The following HTR1E variants were observed in gnomAD, a reference collection of about 807,000 sequenced individuals.
HTR1E encodes 5-hydroxytryptamine receptor 1E, also known as 5-HT-1E.
HTR1E carries 3 observed loss-of-function variants against 3.4 expected under a neutral mutation model. The ratio of observed to expected loss-of-function variants is 0.89; its 90% CI spans 0.41 to 2.31. HTR1E has a LOEUF of 2.31. HTR1E is among the 30% of genes most tolerant of loss of function. HTR1E has a pLI of 0.05. For synonymous variants in HTR1E, 170 were observed against 182.8 expected (o/e 0.93, Z 0.56); for missense variants, 392 against 467.0 (o/e 0.84, Z 1.48).
rs146494656 is a variant in HTR1E at position 86,954,743 on chromosome 6, T to C, written c.-186+16920T>C. Among the ~76,000 whole-genome samples the C allele has an allele frequency of 6.4e-4, 97 of 152,242 alleles. 1 individual carries two copies. Among genetic ancestry groups the C allele is most frequent in the African/African-American group, 2.3e-3 (94 of 41,526 alleles). ...CAGTGCCAGGAAAATGCAAGAAAAA[T>C]TGAAAACAAGCTTGTCATTTTCTTC... On this transcript the variant is annotated intron_variant, in intron 1 of 1. Transcript: ENST00000305344.
At chr6:86,954,869 T>C (rs1767299298) in intron 1 of HTR1E, among the ~76,000 whole-genome samples, 1 of 152,222 alleles carries the variant, frequency 6.6e-6, no homozygotes, top group Non-Finnish European at 1.5e-5. Context: ...GCAGCAGATT[T>C]CTTTCTCATT....
At chr6:87,014,080 G>A (rs1389039101) in intron 1 of HTR1E, among the ~76,000 whole-genome samples, 3 of 151,952 alleles carry the variant, frequency 2.0e-5, no homozygotes, top group Non-Finnish European at 2.9e-5. Context: ...TGGACACAGG[G>A]CAGGGAACAC....
chr6:87,010,826 G>A (rs914734037), intron 1 of HTR1E, among the ~76,000 whole-genome samples: 6 of 151,872 alleles, frequency 4.0e-5, no homozygotes, highest in African/African-American at 1.4e-4. Flanking sequence ...GCCCCGCGGG[G>A]CCCGTCCGCT....
chr6:87,010,813 CG>C (rs1204072639), intron 1 of HTR1E, among the ~76,000 whole-genome samples: 2 of 151,206 alleles, frequency 1.3e-5, no homozygotes, highest in East Asian at 2.0e-4. Flanking sequence ...TCCTTGCCCT[CG>C]GGCCCCGCGG....
chr6:86,995,734 C>CA (rs1468382018), intron 1 of HTR1E, among the ~76,000 whole-genome samples: 59 of 127,226 alleles, frequency 4.6e-4, no homozygotes, highest in African/African-American at 1.7e-3. Context: ...ATGCTGTCTG[C>CA]AAAAAACTCT....
At chr6:86,979,417 A>G (rs1218363261) in intron 1 of HTR1E, among the ~76,000 whole-genome samples, 3 of 152,224 alleles carry the variant, frequency 2.0e-5, no homozygotes, top group African/African-American at 7.2e-5. Context: ...AATAGTAACT[A>G]TAGATGGTCA....
chr6:86,940,759 A>ATTAG lies in HTR1E; in HGVS notation c.-186+2936_-186+2937insTTAG, dbSNP rs1390921443. ...ATCAAATCTAACGCTCTAATGTGGG[A>ATTAG]AAGCATTCCCTCTATTTCTACAAGC... On this transcript the variant is annotated intron_variant, in intron 1 of 1. Transcript: ENST00000305344. 9.0e-4 allele frequency among the ~76,000 whole-genome samples: 137 copies of ATTAG among 152,288 alleles called. 1 individual carries two copies. The highest frequency in any genetic ancestry group is 3.2e-3 in the African/African-American group (132 of 41,558).
chr6:86,946,019 A>T lies in HTR1E; in HGVS notation c.-186+8196A>T, dbSNP rs1055899463. ...CTCCCAAAGTGCTGGTATTACAGGC[A>T]TGAGCCACCACACCCGGCCTAATTA... is the stretch of plus-strand genomic sequence containing the variant. On this transcript the variant is annotated intron_variant, in intron 1 of 1. Transcript: ENST00000305344. Among the ~76,000 whole-genome samples, 6 of 152,310 alleles carry T rather than the reference A, an allele frequency of 3.9e-5. No homozygotes were observed. The East Asian group carries it at 9.7e-4, about 25-fold the overall frequency.
intron 1 of HTR1E, among the ~76,000 whole-genome samples, chr6:86,964,267 A>C (rs992436368): frequency 6.6e-6 from 1 of 151,908 alleles, no homozygotes; most frequent in South Asian, 2.1e-4. Context: ...TTACTAACAC[A>C]TAAGACAAAT....
chr6:87,006,519 T>C (rs924326409), intron 1 of HTR1E, among the ~76,000 whole-genome samples: 46 of 152,328 alleles, frequency 3.0e-4, no homozygotes, highest in African/African-American at 1.1e-3. Flanking sequence ...GGTGTGGCAA[T>C]TCCTCAAAGA....
chr6:87,009,633 G>A (rs1443471257), intron 1 of HTR1E, among the ~76,000 whole-genome samples: 1 of 148,412 alleles, frequency 6.7e-6, no homozygotes, highest in Non-Finnish European at 1.5e-5. Flanking sequence ...TCCCAGTAGG[G>A]GCGGCCGGGC....
chr6:86,946,535 A>G (rs545576587), intron 1 of HTR1E, among the ~76,000 whole-genome samples: 2 of 152,356 alleles, frequency 1.3e-5, no homozygotes, highest in East Asian at 1.9e-4. Context: ...TGTATGATGC[A>G]TGGCTATATA....
chr6:86,944,908 CACAT>C (rs1735678134), intron 1 of HTR1E, among the ~76,000 whole-genome samples: 1 of 151,524 alleles, frequency 6.6e-6, no homozygotes, highest in Non-Finnish European at 1.5e-5. Context: ...AAAAGTATAG[CACAT>C]ACAATTATGT....
At chr6:86,940,472 G>C (rs1435262758) in intron 1 of HTR1E, among the ~76,000 whole-genome samples, 2 of 152,202 alleles carry the variant, frequency 1.3e-5, no homozygotes, top group African/African-American at 4.8e-5. Context: ...GAAAGCCAAA[G>C]TTGCAGTGAG....
chr6:87,015,085 T>C, intron 1 of HTR1E, 65 bp from the exon 2 acceptor site: 1 of 317,874 alleles, frequency 3.1e-6, no homozygotes, highest in South Asian at 1.6e-4. Context: ...TATCAAACTA[T>C]TTTCATGTTT....
chr6:86,973,095 C>T (rs771889347), intron 1 of HTR1E, among the ~76,000 whole-genome samples: 2 of 152,108 alleles, frequency 1.3e-5, no homozygotes, highest in South Asian at 4.1e-4. Context: ...AGGTTGGATA[C>T]CTCCTTACTA....
chr6:87,007,478 T>C (rs1232538381), intron 1 of HTR1E, among the ~76,000 whole-genome samples: 4 of 152,172 alleles, frequency 2.6e-5, no homozygotes, highest in African/African-American at 9.7e-5. Flanking sequence ...CAGAGTACAA[T>C]TGGACTTTTT....
At chr6:86,949,372 CTGT>C (rs1306654607) in intron 1 of HTR1E, among the ~76,000 whole-genome samples, 3 of 152,108 alleles carry the variant, frequency 2.0e-5, no homozygotes, top group Non-Finnish European at 4.4e-5. Context: ...GCTGCTGCTG[CTGT>C]TGTTATTTTG....
rs758792160 is a variant in HTR1E at position 87,016,484 on chromosome 6, G to A, written c.*52G>A. On this transcript the variant is annotated 3_prime_UTR_variant, in exon 2 of 2. Coordinates refer to ENST00000305344, the MANE Select transcript of HTR1E (RefSeq NM_000865.3). ...TTTTCCAGAGCCTCATGAGTGGATG[G>A]GGGTAAGGGGTGCAACTTATTAATT... is the stretch of plus-strand genomic sequence containing the variant. The A allele has an allele frequency of 2.1e-6, 3 of 1,459,964 alleles. No individual in the cohort carries two copies. Among genetic ancestry groups the A allele is most frequent in the Non-Finnish European group, 2.8e-6 (3 of 1,078,264 alleles). The allele number at this position is 1,459,964 out of a possible 1,614,324, so 90.4% of individuals were successfully genotyped here. A position where few individuals can be genotyped will look rare whatever the true frequency, so the allele number is the denominator to read the frequency against.
Sources: allele counts gnomAD v4.1 joint callset (sites outside exome capture counted in the v4.1 genomes callset), GRCh38; gene constraint gnomAD v4.1.1; transcripts MANE v1.5; gene names NCBI Gene and HGNC (gene_info 2026-07-23, HGNC 2026-07-21).